The following LYRM4 variants were observed in gnomAD, a reference collection of about 807,000 sequenced individuals.
LYRM4 encodes LYR motif-containing protein 4.
A neutral mutation model predicts 11.7 loss-of-function variants in LYRM4; 9 were observed. That is an observed-to-expected ratio of 0.77 (90% CI 0.46 to 1.34). The LOEUF (loss-of-function observed/expected upper bound fraction) is 1.34, where lower values mean the gene tolerates loss of function less well. Among genes scored for constraint, LYRM4 ranks in the 40% most tolerant of loss-of-function variants. The pLI is 0.00. For missense variants in LYRM4, 133 were observed against 112.5 expected (o/e 1.18, Z -0.82); for synonymous variants, 42 against 40.4 (o/e 1.04, Z -0.15).
At chr6:5,106,176 T>A (rs967124766), downstream of LYRM4, 1 of 152,294 alleles carries the variant, frequency 6.6e-6, no homozygotes, top group Non-Finnish European at 1.5e-5. Flanking sequence ...TGTCATTTTC[T>A]TCTCAGATTT....
intron 2 of LYRM4, among the ~76,000 whole-genome samples, chr6:5,172,648 C>T (rs1365138231): frequency 6.6e-6 from 1 of 152,178 alleles, no homozygotes; most frequent in East Asian, 1.9e-4. Context: ...CAGCATCTCA[C>T]AGACACTGTT....
At position 5,108,719 on chromosome 6, in the gene LYRM4, C is replaced by T. The variant is rs1762744719; in HGVS notation, c.*704G>A. 1 of 931,314 alleles carries T rather than the reference C, an allele frequency of 1.1e-6. No homozygotes were observed. The highest frequency in any genetic ancestry group is 1.3e-6 in the Non-Finnish European group (1 of 780,056). 57.7% of individuals were successfully genotyped at this position (931,314 alleles called of 1,614,324 possible). A position where few individuals can be genotyped will look rare whatever the true frequency, so the allele number is the denominator to read the frequency against. On this transcript the variant is annotated 3_prime_UTR_variant, in exon 3 of 3. Coordinates refer to ENST00000330636, the MANE Select transcript of LYRM4 (RefSeq NM_020408.6). ...CCTGGGCTTGGGTCAGGCTGGGGCT[C>T]TCTCATTCACCAGGTGTGGGGAGGG...
At chr6:5,121,522 G>A (rs1763457455) in intron 2 of LYRM4, among the ~76,000 whole-genome samples, 1 of 152,184 alleles carries the variant, frequency 6.6e-6, no homozygotes, top group Non-Finnish European at 1.5e-5. Flanking sequence ...CCTGGAGCTG[G>A]CATTGCAGCA....
chr6:5,038,113 C>T, the LYRM4 span, among the ~76,000 whole-genome samples: 2 of 61,702 alleles, frequency 3.2e-5, no homozygotes, highest in African/African-American at 8.6e-5. Flanking sequence ...AGAGACGCTC[C>T]TCACCTCCCA....
At chr6:5,143,314 G>A (rs745426318) in intron 2 of LYRM4, among the ~76,000 whole-genome samples, 9 of 152,182 alleles carry the variant, frequency 5.9e-5, no homozygotes, top group Non-Finnish European at 1.3e-4. Context: ...AACCTCTGGG[G>A]CACAGTTTCG....
chr6:5,229,826 A>G (rs897988948), intron 1 of LYRM4, among the ~76,000 whole-genome samples: 2 of 152,206 alleles, frequency 1.3e-5, no homozygotes, highest in African/African-American at 4.8e-5. Context: ...AGAAAGAAAC[A>G]TCACCATTCT....
At chr6:5,257,992 T>G (rs1764763044) in intron 1 of LYRM4, among the ~76,000 whole-genome samples, 1 of 152,108 alleles carries the variant, frequency 6.6e-6, no homozygotes, top group Non-Finnish European at 1.5e-5. Context: ...AAACTTTTGT[T>G]CAGAGAAGGT....
intron 2 of LYRM4, among the ~76,000 whole-genome samples, chr6:5,205,347 C>A (rs1183488071): frequency 1.3e-5 from 2 of 151,938 alleles, no homozygotes; most frequent in African/African-American, 2.4e-5. Context: ...AGGCCCAGCC[C>A]TCCGGCATCC....
At chr6:5,171,470 A>G (rs896175521) in intron 2 of LYRM4, among the ~76,000 whole-genome samples, 7 of 152,216 alleles carry the variant, frequency 4.6e-5, no homozygotes, top group African/African-American at 1.7e-4. Context: ...AAGACACACC[A>G]ACATCAAACA....
intron 1 of LYRM4, chr6:5,218,519 A>C: frequency 3.7e-6 from 1 of 271,978 alleles, no homozygotes; most frequent in Non-Finnish European, 5.6e-6. Context: ...GTAAAACTAA[A>C]TCTTATGATA....
chr6:5,066,965 G>C, the LYRM4 span: 5 of 1,016,404 alleles, frequency 4.9e-6, no homozygotes, highest in Non-Finnish European at 6.8e-6. Context: ...GAGGAAATCC[G>C]GCCACTGGGA....
rs375231211 is a variant in LYRM4 at position 5,216,638 on chromosome 6, G to C, written c.187C>G (p.Leu63Val). ...QTLVNKAKRD[L>V]GVIRRQVHIG... The stretch of plus-strand genomic sequence containing the variant: ...CTTACCTGTCGACGAATTACTCCAA[G>C]GTCTCTCTTGGCTTTATTCACTAGG... Residue 63 changes from leucine (L) to valine (V), a missense_variant, in exon 2 of 3, where the codon CTT becomes GTT. Transcript: ENST00000330636. 6.2e-7 allele frequency: 1 copy of C among 1,613,878 alleles called. No individual in the cohort carries two copies. The highest frequency in any genetic ancestry group is 1.3e-5 in the African/African-American group (1 of 74,894).
intron 1 of LYRM4, among the ~76,000 whole-genome samples, chr6:5,222,886 C>T (rs775402020): frequency 6.6e-6 from 1 of 150,946 alleles, no homozygotes; most frequent in African/African-American, 2.4e-5. Flanking sequence ...AAATTAAATA[C>T]GTTGGTGAGA....
In LYRM4 at chr6:5,171,343, G is replaced by A. The variant is rs191466652; in HGVS notation, c.207+45275C>T. ...AGGCACAACACTAAAACACTGTTTC[G>A]GGAGAGTCCTCCATCCCTCCAGCTC... is the stretch of plus-strand genomic sequence containing the variant. On this transcript the variant is annotated intron_variant, in intron 2 of 2. Coordinates refer to ENST00000330636, the MANE Select transcript of LYRM4 (RefSeq NM_020408.6). Among the ~76,000 whole-genome samples the A allele has an allele frequency of 2.6e-5, 4 of 152,160 alleles. No individual in the cohort carries two copies. The East Asian group carries it at 7.7e-4, about 29-fold the overall frequency.
chr6:5,204,609 C>T (rs1761583666), intron 2 of LYRM4, among the ~76,000 whole-genome samples: 1 of 152,140 alleles, frequency 6.6e-6, no homozygotes, highest in Non-Finnish European at 1.5e-5. Flanking sequence ...GAACCACTTG[C>T]CTCACTGCTT....
At chr6:5,120,828 G>C (rs554018988) in intron 2 of LYRM4, among the ~76,000 whole-genome samples, 7 of 152,246 alleles carry the variant, frequency 4.6e-5, no homozygotes, top group African/African-American at 1.7e-4. Context: ...CGTTTTTACA[G>C]AGCACTGATT....
In LYRM4 at chr6:5,138,775, G is replaced by A. The variant is rs1360388309; in HGVS notation, c.208-29284C>T. ...AAAGAGAAAAAAATAAAAGTTAAGA[G>A]TAACAGTTAACAGAAAGAAAGAGTT... On this transcript the variant is annotated intron_variant, in intron 2 of 2. Coordinates refer to ENST00000330636, the MANE Select transcript of LYRM4 (RefSeq NM_020408.6). The A allele has an allele frequency of 3.4e-6, 5 of 1,460,270 alleles. No homozygotes were observed. In the African/African-American group the frequency reaches 7.0e-5, roughly 21 times the overall value. 90.5% of individuals were successfully genotyped at this position (1,460,270 alleles called of 1,614,324 possible). A position where few individuals can be genotyped will look rare whatever the true frequency, so the allele number is the denominator to read the frequency against.
chr6:5,057,830 T>C, the LYRM4 span, among the ~76,000 whole-genome samples: 1 of 151,940 alleles, frequency 6.6e-6, no homozygotes, highest in African/African-American at 2.4e-5. Flanking sequence ...GGTGCAATCA[T>C]AGCTCACTGC....
In LYRM4 at chr6:5,117,348, A is replaced by T. The variant is rs1355993431; in HGVS notation, c.208-7857T>A. Among the ~76,000 whole-genome samples, 3 of 152,190 alleles carry T rather than the reference A, an allele frequency of 2.0e-5. No individual in the cohort carries two copies. In the East Asian group the frequency reaches 5.8e-4, roughly 29 times the overall value. ...GAGGTGGGTGGATCACGAGGTCAAG[A>T]GATTGAGACCATCCTGGCAAACATG... On this transcript the variant is annotated intron_variant, in intron 2 of 2. Transcript: ENST00000330636.
Sources: allele counts gnomAD v4.1 joint callset (sites outside exome capture counted in the v4.1 genomes callset), GRCh38; gene constraint gnomAD v4.1.1; transcripts MANE v1.5; gene names NCBI Gene and HGNC (gene_info 2026-07-23, HGNC 2026-07-21).